The following PRKD3 variants were observed in gnomAD, a reference collection of about 807,000 sequenced individuals.
The protein encoded by PRKD3 is serine/threonine-protein kinase D3.
Under a neutral mutation model 99.2 loss-of-function variants are expected in PRKD3, and 47 were observed. The ratio of observed to expected loss-of-function variants is 0.47; its 90% confidence interval spans 0.38 to 0.60. The LOEUF (loss-of-function observed/expected upper bound fraction) is 0.60. Among genes scored for constraint, PRKD3 ranks in the 20% least tolerant of loss-of-function variants. The pLI is 0.00. For missense variants in PRKD3, 1,019 were observed against 1,088.4 expected, an observed-to-expected ratio of 0.94 and a Z score of 0.90; for synonymous variants, 392 against 355.4, an observed-to-expected ratio of 1.10 and a Z score of -1.16.
chr2:37,258,436 T>C (rs774279615), intron 16 of PRKD3, among the ~76,000 whole-genome samples: 46 of 152,318 alleles, frequency 3.0e-4, no homozygotes, highest in Non-Finnish European at 5.3e-4. Flanking sequence ...TGGCAACTGA[T>C]TAAAGAAGTG....
intron 7 of PRKD3, among the ~76,000 whole-genome samples, chr2:37,280,392 G>A (rs1669801058): frequency 1.3e-5 from 2 of 151,958 alleles, no homozygotes; most frequent in South Asian, 4.2e-4. Context: ...CAAATCATAA[G>A]GCACAAAGTT....
chr2:37,281,340 T>A (rs1040733631), intron 7 of PRKD3, among the ~76,000 whole-genome samples: 2 of 152,338 alleles, frequency 1.3e-5, no homozygotes, highest in East Asian at 3.9e-4. Context: ...CTATACTAAT[T>A]CAGATTAACC....
chr2:37,294,707 G>C (rs12618410), intron 2 of PRKD3, among the ~76,000 whole-genome samples: 51,391 of 151,966 alleles, frequency 0.34, 9,494 homozygotes, highest in East Asian at 0.43. Flanking sequence ...AAATTATTCA[G>C]TTGGAGAATA....
intron 8 of PRKD3, chr2:37,278,201 C>A: frequency 3.7e-6 from 1 of 272,524 alleles, no homozygotes; most frequent in Non-Finnish European, 6.8e-6. Context: ...ATTTACTTGT[C>A]ATGAATGTTT....
intron 13 of PRKD3, 68 bp downstream of exon 13, chr2:37,269,547 G>A: frequency 7.4e-7 from 1 of 1,344,626 alleles, no homozygotes. Context: ...AAAACAGCTG[G>A]CAGATGTTTT....
intron 2 of PRKD3, among the ~76,000 whole-genome samples, chr2:37,313,721 C>A (rs1008386881): frequency 6.6e-6 from 1 of 152,062 alleles, no homozygotes; most frequent in Non-Finnish European, 1.5e-5. Context: ...TAAGACAGTC[C>A]CTCACTTAAG....
intron 16 of PRKD3, among the ~76,000 whole-genome samples, chr2:37,259,137 A>G (rs1363136066): frequency 6.6e-6 from 1 of 152,144 alleles, no homozygotes; most frequent in Non-Finnish European, 1.5e-5. Flanking sequence ...CATTGTGTGT[A>G]TGTGTGGTGA....
chr2:37,284,811 C>CT (rs1232923891), intron 6 of PRKD3, among the ~76,000 whole-genome samples: 12 of 152,070 alleles, frequency 7.9e-5, no homozygotes, highest in African/African-American at 2.7e-4. Flanking sequence ...TTTAATTACA[C>CT]TTTAAGTTTT....
At chr2:37,315,202 T>C (rs763336105) in intron 2 of PRKD3, among the ~76,000 whole-genome samples, 6 of 152,130 alleles carry the variant, frequency 3.9e-5, no homozygotes, top group Non-Finnish European at 4.4e-5. Context: ...ATATAACCAA[T>C]TCATACAACC....
At chr2:37,262,188 C>T (rs1278228128) in intron 14 of PRKD3, among the ~76,000 whole-genome samples, 1 of 152,080 alleles carries the variant, frequency 6.6e-6, no homozygotes, top group African/African-American at 2.4e-5. Flanking sequence ...GCTGATTATG[C>T]TAGGGGGACT....
chr2:37,268,482 C>T, intron 13 of PRKD3: 1 of 379,730 alleles, frequency 2.6e-6, no homozygotes, highest in South Asian at 2.0e-5. Context: ...AAGATCCAGA[C>T]ATCTCACAGC....
chr2:37,254,141 G>T, intron 18 of PRKD3, 63 bp downstream of exon 18: 1 of 1,230,788 alleles, frequency 8.1e-7, no homozygotes, highest in Non-Finnish European at 1.2e-6. Context: ...CTCATTAGGT[G>T]GGACAAATCA....
intron 2 of PRKD3, among the ~76,000 whole-genome samples, chr2:37,315,887 G>A (rs1443751412): frequency 6.6e-6 from 1 of 152,132 alleles, no homozygotes; most frequent in African/African-American, 2.4e-5. Context: ...ACCATGTTTG[G>A]CTAATTTTTG....
At chr2:37,269,518 G>T in intron 13 of PRKD3, 97 bp downstream of exon 13, 2 of 1,093,342 alleles carry the variant, frequency 1.8e-6, no homozygotes, top group South Asian at 1.3e-5. Flanking sequence ...AAAGGCACTG[G>T]ACAAAACTAT....
intron 18 of PRKD3, 195 bp from the exon 19 acceptor site, chr2:37,253,545 C>T (rs1296797864): frequency 4.1e-6 from 2 of 482,734 alleles, no homozygotes; most frequent in Non-Finnish European, 7.1e-6. Context: ...ATTTTTCAAA[C>T]TCAGAGTCTC....
chr2:37,317,444 C>T (rs2124905369), intron 1 of PRKD3, among the ~76,000 whole-genome samples: 1 of 149,308 alleles, frequency 6.7e-6, no homozygotes, highest in Non-Finnish European at 1.5e-5. Context: ...AAATTTACCT[C>T]ATTTTTAATC....
At chr2:37,277,611 T>G (rs1429651634) in intron 9 of PRKD3, among the ~76,000 whole-genome samples, 1 of 152,196 alleles carries the variant, frequency 6.6e-6, no homozygotes, top group East Asian at 1.9e-4. Flanking sequence ...GTTAATTATT[T>G]TTTATTGTGG....
Position 37,274,614 on chromosome 2 carries a change from A to G in PRKD3, c.1458T>C (p.Phe486=), listed in dbSNP as rs1391462850. ...NISQGSNPHC[F]EIITDTMVYF... ...ATACCATAGTATCAGTAATGATTTC[A>G]AAACAGTGTGGATTGCTGCCTTGTG... The change falls in exon 11 of 19, where the codon TTT becomes TTC. Residue 486 remains phenylalanine (F), a synonymous_variant. Coordinates refer to ENST00000234179, the MANE Select transcript of PRKD3 (RefSeq NM_005813.6). 4 of 1,614,010 alleles carry G rather than the reference A, an allele frequency of 2.5e-6. No homozygotes were observed. Among genetic ancestry groups the G allele is most frequent in the Non-Finnish European group, 1.7e-6 (2 of 1,179,968 alleles).
intron 14 of PRKD3, among the ~76,000 whole-genome samples, chr2:37,261,071 T>A (rs931827507): frequency 1.3e-5 from 2 of 152,250 alleles, no homozygotes; most frequent in Non-Finnish European, 1.5e-5. Context: ...TTTCTGGACA[T>A]AAATCTAAAT....
Sources: allele counts gnomAD v4.1 joint callset (sites outside exome capture counted in the v4.1 genomes callset), GRCh38; gene constraint gnomAD v4.1.1; transcripts MANE v1.5; gene names NCBI Gene and HGNC (gene_info 2026-07-23, HGNC 2026-07-21).